Variants in ZZEF1 observed in about 807,000 individuals in gnomAD.
The protein encoded by ZZEF1 is zinc finger ZZ-type and EF-hand domain containing 1.
ZZEF1 carries 157 observed loss-of-function variants against 342.8 expected under a neutral mutation model. The ratio of observed to expected loss-of-function variants is 0.46; its 90% CI spans 0.40 to 0.52. ZZEF1 has a LOEUF of 0.52. ZZEF1 is among the 20% of genes least tolerant of loss of function. ZZEF1 has a pLI of 0.00. For synonymous variants in ZZEF1, 1,505 were observed against 1,429.1 expected (o/e 1.05, Z -1.20); for missense variants, 3,480 against 3,725.6 (o/e 0.93, Z 1.72).
At chr17:4,086,771 G>A (rs2057837846) in intron 14 of ZZEF1, 116 bp from the exon 15 acceptor site, 1 of 925,322 alleles carries the variant, frequency 1.1e-6, no homozygotes, top group South Asian at 1.7e-5. Flanking sequence ...TGAAAATAAT[G>A]CCAACTGATG....
intron 15 of ZZEF1, among the ~76,000 whole-genome samples, chr17:4,086,260 A>G (rs2145357144): frequency 6.6e-6 from 1 of 151,844 alleles, no homozygotes; most frequent in East Asian, 1.9e-4. Context: ...AAAGAGCATC[A>G]GGGGAAACAC....
rs1335149504 is a variant in ZZEF1 at position 4,135,995 on chromosome 17, TC to T, written c.354+6546del. Among the ~76,000 whole-genome samples, 869 of 102,220 alleles carry T rather than the reference TC, an allele frequency of 8.5e-3. 11 individuals carry two copies. The highest frequency in any genetic ancestry group is 0.023 in the African/African-American group (835 of 36,654). 67.1% of individuals were successfully genotyped at this position (102,220 alleles called of 152,430 possible). On this transcript the variant is annotated intron_variant, in intron 1 of 54. Transcript: ENST00000381638. ...AGTTACAATGTACTCTGATATTTTC[TC>T]TTTTTTTTTTTTTTTTTGAGACGGT...
At chr17:4,097,635 A>G (rs1185577675) in intron 9 of ZZEF1, among the ~76,000 whole-genome samples, 1 of 151,608 alleles carries the variant, frequency 6.6e-6, no homozygotes. Context: ...AGAACTAAAC[A>G]CTGTGTTCTG....
Position 4,088,749 on chromosome 17 carries a change from C to T in ZZEF1, c.2170G>A (p.Glu724Lys). 1 of 1,614,242 alleles carries T rather than the reference C, an allele frequency of 6.2e-7. No individual in the cohort carries two copies. Among genetic ancestry groups the T allele is most frequent in the Non-Finnish European group, 8.5e-7 (1 of 1,180,046 alleles). ...VTCAHCRKDT[E>K]ESVCGATLLL... is the part of the protein sequence containing the mutation. ...AACGTGGCCCCACAGACACTCTCCT[C>T]TGTGTCCTTTCTGCAGTGTGCACAG... The change falls in exon 13 of 55, where the codon GAG becomes AAG. Residue 724 changes from glutamate (E) to lysine (K), a missense_variant. This residue lies in a region of ZZEF1 where 1,528 missense variants were observed against 1,624.1 expected (regional missense o/e 0.94). Transcript: ENST00000381638.
chr17:4,098,274 C>T (rs1379199235), intron 9 of ZZEF1, among the ~76,000 whole-genome samples: 7 of 147,240 alleles, frequency 4.8e-5, no homozygotes, highest in South Asian at 2.1e-4. Flanking sequence ...CAGCTGGGCA[C>T]GGTGGTGCAC....
chr17:4,047,529 G>A (rs1303782887), intron 37 of ZZEF1, among the ~76,000 whole-genome samples: 1 of 152,222 alleles, frequency 6.6e-6, no homozygotes, highest in African/African-American at 2.4e-5. Context: ...TGAAGTCCCA[G>A]TTACTTGAGA....
intron 46 of ZZEF1, 62 bp from the exon 47 acceptor site, chr17:4,018,033 C>G: frequency 4.4e-6 from 7 of 1,589,614 alleles, no homozygotes; most frequent in South Asian, 3.3e-5. Flanking sequence ...TTAACCTGCA[C>G]TTAAACTTGT....
chr17:4,130,037 G>C (rs1316053310), intron 1 of ZZEF1, among the ~76,000 whole-genome samples: 2 of 151,802 alleles, frequency 1.3e-5, no homozygotes, highest in Non-Finnish European at 2.9e-5. Context: ...AGGAGGGAGA[G>C]GACCAGAAAA....
At chr17:4,056,691 ATTT>A (rs1331203208) in intron 32 of ZZEF1, 1 of 143,426 alleles carries the variant, frequency 7.0e-6, no homozygotes, top group East Asian at 2.0e-4. Context: ...TATTATTATT[ATTT>A]AGTCTGATTT....
chr17:4,012,133 G>T (rs908543544), intron 52 of ZZEF1, among the ~76,000 whole-genome samples: 1 of 152,210 alleles, frequency 6.6e-6, no homozygotes, highest in Non-Finnish European at 1.5e-5. Flanking sequence ...AGGCAAGAAG[G>T]GCCCACCAGC....
In ZZEF1 at chr17:4,109,742, T is replaced by G. The variant is rs760730040; in HGVS notation, c.1188A>C (p.Ala396=). The part of the protein sequence containing the change: ...KSGVSVSDAS[A]IWYWSLLTSL... The stretch of plus-strand genomic sequence containing the variant: ...ATGTCAGCAGAGACCAATACCATAT[T>G]GCAGAAGCATCTGAGACTGAGACCC... Residue 396 remains alanine (A), a synonymous_variant, in exon 6 of 55, where the codon GCA becomes GCC. Transcript: ENST00000381638. The G allele has an allele frequency of 1.9e-5, 31 of 1,614,044 alleles. No homozygotes were observed. In the South Asian group the frequency reaches 3.1e-4, roughly 16 times the overall value.
intron 45 of ZZEF1, among the ~76,000 whole-genome samples, chr17:4,020,483 C>T (rs1461621730): frequency 6.6e-6 from 1 of 152,174 alleles, no homozygotes; most frequent in East Asian, 1.9e-4. Flanking sequence ...GCCAGGACTA[C>T]AGGCGCATGC....
intron 6 of ZZEF1, among the ~76,000 whole-genome samples, chr17:4,107,934 G>C (rs1390253126): frequency 6.6e-6 from 1 of 152,184 alleles, no homozygotes; most frequent in Non-Finnish European, 1.5e-5. Context: ...GAAGCATTCC[G>C]AGAATAATGA....
intron 35 of ZZEF1, among the ~76,000 whole-genome samples, chr17:4,051,441 G>A (rs920554954): frequency 1.3e-5 from 2 of 152,126 alleles, no homozygotes; most frequent in African/African-American, 2.4e-5. Flanking sequence ...ATTTATTTGA[G>A]ATGGAGTCTC....
intron 1 of ZZEF1, among the ~76,000 whole-genome samples, chr17:4,131,641 G>A (rs983428165): frequency 3.9e-5 from 6 of 151,972 alleles, no homozygotes; most frequent in South Asian, 2.1e-4. Context: ...TTTGCCAGGC[G>A]TGGTGGTATG....
intron 35 of ZZEF1, among the ~76,000 whole-genome samples, chr17:4,051,424 T>C (rs1227883647): frequency 1.3e-5 from 2 of 152,146 alleles, no homozygotes; most frequent in African/African-American, 4.8e-5. Context: ...GCTTTATTTA[T>C]GTATTTATTT....
chr17:4,007,442 G>A (rs529505109), intron 54 of ZZEF1, among the ~76,000 whole-genome samples: 8 of 152,322 alleles, frequency 5.3e-5, no homozygotes, highest in Admixed American at 2.0e-4. Flanking sequence ...GGAGGAAGAG[G>A]GGGTTGGCAG....
chr17:4,076,284 A>G (rs2057617617), intron 21 of ZZEF1: 1 of 155,386 alleles, frequency 6.4e-6, no homozygotes, highest in South Asian at 1.9e-4. Flanking sequence ...GGCGCCCACC[A>G]TCACGCCCGG....
Position 4,056,241 on chromosome 17 carries a change from T to A in ZZEF1, c.5270A>T (p.Gln1757Leu). The A allele has an allele frequency of 1.9e-6, 3 of 1,591,076 alleles. No homozygotes were observed. Among genetic ancestry groups the A allele is most frequent in the Non-Finnish European group, 2.6e-6 (3 of 1,168,528 alleles). Residue 1757 changes from glutamine (Q) to leucine (L), a missense_variant, in exon 33 of 55, where the codon CAG becomes CTG. Around this residue, in one of 5 missense-constraint regions of ZZEF1, gnomAD observed 175 missense variants for 254.6 expected, o/e 0.69. Transcript: ENST00000381638. ...TTTCCTCTGCTTCTCTGGATCTTCC[T>A]GGGCTATTTTTTCATACCAGGCCTC... ...MFEAWYEKIA[Q>L]EDPEKQRKMH...
Sources: gnomAD v4.1 joint callset for allele counts (sites outside exome capture counted in the v4.1 genomes callset) on GRCh38, gnomAD v4.1.1 for gene constraint, gnomAD v4.1.1 regional missense constraint, MANE v1.5 for transcripts, NCBI Gene and HGNC (gene_info 2026-07-23, HGNC 2026-07-21) for gene names.